The following JAKMIP2 variants were observed in gnomAD, a reference collection of about 807,000 sequenced individuals.
The protein encoded by JAKMIP2 is janus kinase and microtubule-interacting protein 2.
A neutral mutation model predicts 115.0 loss-of-function variants in JAKMIP2; 25 were observed. That is an observed-to-expected ratio of 0.22 (90% CI 0.16 to 0.30). The LOEUF (loss-of-function observed/expected upper bound fraction) is 0.30, where lower values mean the gene tolerates loss of function less well. Ranked by LOEUF, JAKMIP2 falls within the 10% of genes least tolerant of loss-of-function variation. The pLI is 1.00. For synonymous variants in JAKMIP2, 334 were observed against 343.6 expected (o/e 0.97, Z 0.31); for missense variants, 642 against 957.6 (o/e 0.67, Z 4.35).
chr5:147,712,655 G>A (rs960304518), intron 1 of JAKMIP2, among the ~76,000 whole-genome samples: 1 of 152,024 alleles, frequency 6.6e-6, no homozygotes, highest in Non-Finnish European at 1.5e-5. Context: ...AGGTGGGGGA[G>A]GGGATATTTT....
intron 1 of JAKMIP2, among the ~76,000 whole-genome samples, chr5:147,711,394 G>C (rs1333507961): frequency 6.6e-6 from 1 of 152,188 alleles, no homozygotes; most frequent in Non-Finnish European, 1.5e-5. Flanking sequence ...GACCTCAGTA[G>C]TGAATTACAG....
intron 1 of JAKMIP2, among the ~76,000 whole-genome samples, chr5:147,721,263 AG>A (rs1753271144): frequency 6.6e-6 from 1 of 151,918 alleles, no homozygotes; most frequent in Non-Finnish European, 1.5e-5. Flanking sequence ...GCTGTCAGAC[AG>A]GGACATTTAA....
chr5:147,677,258 A>G (rs1760020123), intron 1 of JAKMIP2, among the ~76,000 whole-genome samples: 1 of 152,226 alleles, frequency 6.6e-6, no homozygotes, highest in African/African-American at 2.4e-5. Flanking sequence ...CTAACCATTT[A>G]TTGAGTGCTT....
intron 7 of JAKMIP2, 79 bp downstream of exon 7, chr5:147,643,979 T>A: frequency 8.0e-7 from 1 of 1,257,330 alleles, no homozygotes; most frequent in South Asian, 2.3e-5. Context: ...TAAACTAAAA[T>A]TAACTGCTTT....
rs978665142 is a variant in JAKMIP2, at chr5:147,591,580, T to A, written c.*127A>T. ...CACAGTTGTAGTCCTGGCTACAGGGTAGTTCTTAGCTTTTGATCTCCCTCT... is the reference window on the plus strand; with the variant it reads ...CACAGTTGTAGTCCTGGCTACAGGGAAGTTCTTAGCTTTTGATCTCCCTCT... On this transcript the variant is annotated 3_prime_UTR_variant, in exon 22 of 22. Transcript: ENST00000616793. 1 of 961,736 alleles carries A rather than the reference T, an allele frequency of 1.0e-6. No homozygotes were observed. The highest frequency in any genetic ancestry group is 1.6e-5 in the African/African-American group (1 of 61,466). The allele number at this position is 961,736 out of a possible 1,614,324, so 59.6% of individuals were successfully genotyped here.
At chr5:147,608,455 T>A (rs1297387377) in intron 20 of JAKMIP2, among the ~76,000 whole-genome samples, 1 of 152,230 alleles carries the variant, frequency 6.6e-6, no homozygotes, top group African/African-American at 2.4e-5. Flanking sequence ...CAGGAACAGA[T>A]TGTTCGGTTT....
Position 147,764,947 on chromosome 5 carries a change from G to GAAAGAAAGAAAAGAAA in JAKMIP2, c.-149+17508_-149+17509insTTTCTTTTCTTTCTTT, listed in dbSNP as rs1561582569. ...GAGAGAGAGAGAGAGAGAGAGAGAGGGAGAGAGAGAGAGAGAGAGGGGGAG... is the reference window on the plus strand; with the variant it reads ...GAGAGAGAGAGAGAGAGAGAGAGAGGAAAGAAAGAAAAGAAAGAGAGAGAGAGAGAGAGAGGGGGAG... On this transcript the variant is annotated intron_variant, in intron 1 of 21. Transcript: ENST00000616793. 1.1e-4 allele frequency among the ~76,000 whole-genome samples: 4 copies of GAAAGAAAGAAAAGAAA among 36,594 alleles called. No homozygotes were observed. The East Asian group carries it at 3.3e-3, about 30-fold the overall frequency. 24.0% of individuals were successfully genotyped at this position (36,594 alleles called of 152,430 possible). A position where few individuals can be genotyped will look rare whatever the true frequency, so the allele number is the denominator to read the frequency against.
intron 19 of JAKMIP2, 67 bp downstream of exon 19, chr5:147,617,844 G>A (rs562315560): frequency 2.5e-5 from 31 of 1,256,594 alleles, no homozygotes; most frequent in South Asian, 1.1e-4. Flanking sequence ...ACTCAATACC[G>A]TGTACCTAGT....
intron 1 of JAKMIP2, among the ~76,000 whole-genome samples, chr5:147,742,163 T>TTTTTTTA (rs1413650418): frequency 3.8e-4 from 34 of 90,622 alleles, no homozygotes; most frequent in African/African-American, 1.8e-3. Context: ...ATATTTTTTT[T>TTTTTTTA]ACTATTGTAT....
chr5:147,627,283 C>T (rs1270114903), intron 16 of JAKMIP2, among the ~76,000 whole-genome samples: 1 of 152,016 alleles, frequency 6.6e-6, no homozygotes. Flanking sequence ...AGGCAGGCCT[C>T]CTCATTATGG....
At chr5:147,770,573 A>G (rs143317750) in intron 1 of JAKMIP2, among the ~76,000 whole-genome samples, 3 of 152,284 alleles carry the variant, frequency 2.0e-5, no homozygotes, top group East Asian at 3.9e-4. Context: ...CACCACGTAA[A>G]TGATAAGACC....
At chr5:147,774,356 C>G (rs1219874690) in intron 1 of JAKMIP2, among the ~76,000 whole-genome samples, 1 of 152,028 alleles carries the variant, frequency 6.6e-6, no homozygotes, top group Non-Finnish European at 1.5e-5. Flanking sequence ...CATCTAAGTC[C>G]TTCTCTCTCT....
chr5:147,755,499 C>G (rs755953685), intron 1 of JAKMIP2, among the ~76,000 whole-genome samples: 2 of 152,130 alleles, frequency 1.3e-5, no homozygotes, highest in African/African-American at 4.8e-5. Context: ...GATACTTTTG[C>G]GTTCAGACAT....
chr5:147,627,101 G>A (rs923909400), intron 16 of JAKMIP2, among the ~76,000 whole-genome samples: 1 of 152,160 alleles, frequency 6.6e-6, no homozygotes, highest in African/African-American at 2.4e-5. Context: ...GGTGGGGAGT[G>A]GAGAGACACA....
Position 147,742,155 on chromosome 5 carries a change from A to ATATATATATATATATATAT in JAKMIP2, c.-149+40300_-149+40301insATATATATATATATATATA. On this transcript the variant is annotated intron_variant, in intron 1 of 21. Transcript: ENST00000616793. Reference sequence around the variant, plus strand: ...TGTGGATCATTATATATATATATATATTTTTTTTACTATTGTATTGTATCT... The same window carrying ATATATATATATATATATAT: ...TGTGGATCATTATATATATATATATATATATATATATATATATATTTTTTTTTACTATTGTATTGTATCT... 5.4e-4 allele frequency among the ~76,000 whole-genome samples: 59 copies of ATATATATATATATATATAT among 108,894 alleles called. 4 individuals carry two copies. Among genetic ancestry groups the ATATATATATATATATATAT allele is most frequent in the African/African-American group, 2.0e-3 (54 of 26,440 alleles). 71.4% of individuals were successfully genotyped at this position (108,894 alleles called of 152,430 possible). A position where few individuals can be genotyped will look rare whatever the true frequency, so the allele number is the denominator to read the frequency against.
In JAKMIP2 at chr5:147,650,296, A is replaced by T. The variant is rs1194526841; in HGVS notation, c.837+42T>A. The T allele has an allele frequency of 3.2e-6, 4 of 1,264,592 alleles. No individual in the cohort carries two copies. The South Asian group carries it at 4.8e-5, about 15-fold the overall frequency. 78.3% of individuals were successfully genotyped at this position (1,264,592 alleles called of 1,614,324 possible). A position where few individuals can be genotyped will look rare whatever the true frequency, so the allele number is the denominator to read the frequency against. On this transcript the variant is annotated intron_variant, in intron 4 of 21. Transcript: ENST00000616793. The stretch of plus-strand genomic sequence containing the variant: ...AGGTAAAACTTGGGAGCTAAATAAA[A>T]GATGACTTGTGCATTCTTAACTTCA...
chr5:147,595,491 G>T, intron 21 of JAKMIP2: 1 of 456,008 alleles, frequency 2.2e-6, no homozygotes, highest in South Asian at 1.5e-5. Context: ...GCCCTCACCA[G>T]ACACCAAACC....
intron 13 of JAKMIP2, among the ~76,000 whole-genome samples, chr5:147,632,198 T>C (rs1757392295): frequency 6.6e-6 from 1 of 152,184 alleles, no homozygotes; most frequent in South Asian, 2.1e-4. Flanking sequence ...TAGTCTTTTT[T>C]TTCATAAATG....
chr5:147,714,842 T>C (rs1428667262), intron 1 of JAKMIP2, among the ~76,000 whole-genome samples: 1 of 152,002 alleles, frequency 6.6e-6, no homozygotes, highest in Non-Finnish European at 1.5e-5. Flanking sequence ...CCTTCAAGAA[T>C]GAAGGTAAAA....
Sources: allele counts gnomAD v4.1 joint callset (sites outside exome capture counted in the v4.1 genomes callset), GRCh38; gene constraint gnomAD v4.1.1; transcripts MANE v1.5; gene names NCBI Gene and HGNC (gene_info 2026-07-23, HGNC 2026-07-21).